NEDD9: variants seen among roughly 807,000 people sequenced by gnomAD.
The protein encoded by NEDD9 is enhancer of filamentation 1.
Under a neutral mutation model 76.6 loss-of-function variants are expected in NEDD9, and 26 were observed. That is an observed-to-expected ratio of 0.34 (90% CI 0.25 to 0.47). The LOEUF (loss-of-function observed/expected upper bound fraction) is 0.47. Among genes scored for constraint, NEDD9 ranks in the 20% least tolerant of loss-of-function variants. The pLI, the probability that NEDD9 is intolerant of heterozygous loss-of-function variation, is 1.00. For synonymous variants in NEDD9, 392 were observed against 414.2 expected (o/e 0.95, Z 0.65); for missense variants, 937 against 1,058.5 (o/e 0.89, Z 1.59).
chr6:11,200,267 C>G (rs766095973), intron 2 of NEDD9: 1 of 456,840 alleles, frequency 2.2e-6, no homozygotes, highest in South Asian at 1.6e-5. Flanking sequence ...GGAAGTAAAC[C>G]CACCCTTGCA....
chr6:11,306,007 G>A, exon 3 of NEDD9: 1 of 1,613,860 alleles, frequency 6.2e-7, no homozygotes, highest in Non-Finnish European at 8.5e-7. Flanking sequence ...TCCACATTTT[G>A]CCCCAAGGAA....
At chr6:11,331,630 A>G (rs1465178185) in intron 2 of NEDD9, among the ~76,000 whole-genome samples, 1 of 152,196 alleles carries the variant, frequency 6.6e-6, no homozygotes, top group Non-Finnish European at 1.5e-5. Flanking sequence ...TGAGATTAGC[A>G]TAGGAGGTGC....
At chr6:11,319,762 T>G (rs1761738919) in intron 2 of NEDD9, among the ~76,000 whole-genome samples, 1 of 136,066 alleles carries the variant, frequency 7.3e-6, no homozygotes, top group Non-Finnish European at 1.6e-5. Context: ...ACATGCACAC[T>G]AACATGCACA....
chr6:11,305,823 C>T, intron 3 of NEDD9: 1 of 770,248 alleles, frequency 1.3e-6, no homozygotes, highest in Non-Finnish European at 2.2e-6. Flanking sequence ...AAAAATTCAC[C>T]TAACAGCAAA....
In NEDD9 at chr6:11,207,733, G is replaced by A. The variant is rs956462964; in HGVS notation, c.459+5548C>T. On this transcript the variant is annotated intron_variant, in intron 2 of 6. Transcript: ENST00000379446. ...ACACATTCTGGGACCATAGGGAAGG[G>A]AGAAACTGCTGGGTTGCAGAGAGGA... 2.6e-5 allele frequency among the ~76,000 whole-genome samples: 4 copies of A among 152,226 alleles called. No individual in the cohort carries two copies. The East Asian group carries it at 7.7e-4, about 29-fold the overall frequency.
At chr6:11,208,699 A>G (rs1382486186) in intron 2 of NEDD9, among the ~76,000 whole-genome samples, 1 of 152,214 alleles carries the variant, frequency 6.6e-6, no homozygotes, top group East Asian at 1.9e-4. Flanking sequence ...AAGAGGTACA[A>G]CAAATAGTTC....
chr6:11,335,024 C>A (rs941870404), intron 1 of NEDD9, among the ~76,000 whole-genome samples: 1 of 152,194 alleles, frequency 6.6e-6, no homozygotes, highest in African/African-American at 2.4e-5. Flanking sequence ...GAGAAGTTGC[C>A]GAAGAACTTA....
At chr6:11,317,391 G>A (rs1344047646) in intron 2 of NEDD9, among the ~76,000 whole-genome samples, 1 of 151,548 alleles carries the variant, frequency 6.6e-6, no homozygotes, top group Non-Finnish European at 1.5e-5. Context: ...ACTCCAGCCT[G>A]GGCTATAGGG....
Position 11,185,441 on chromosome 6 carries a change from GA to G in NEDD9, c.2225del (p.Phe742SerfsTer22). On this transcript the variant is annotated frameshift_variant, in exon 7 of 7. Coordinates refer to ENST00000379446, the MANE Select transcript of NEDD9 (RefSeq NM_006403.4). LOFTEE classifies it high-confidence loss of function. Reference sequence around the variant, plus strand: ...GGATGACAAACTTGCTGTGTGCCACGAAGATTCGCGGGGGCTGGGCTGAGCT... The same window carrying G: ...GGATGACAAACTTGCTGTGTGCCACGAGATTCGCGGGGGCTGGGCTGAGCT... The part of the protein sequence containing the change: ...CVSSAQPPRI[F>X]VAHSKFVILS... 1 of 1,614,236 alleles carries G rather than the reference GA, an allele frequency of 6.2e-7. No individual in the cohort carries two copies. The highest frequency in any genetic ancestry group is 8.5e-7 in the Non-Finnish European group (1 of 1,180,028).
chr6:11,272,074 G>A (rs958104393), intron 3 of NEDD9, among the ~76,000 whole-genome samples: 6 of 152,152 alleles, frequency 3.9e-5, no homozygotes, highest in Admixed American at 3.9e-4. Context: ...AGGACAGCCC[G>A]GTGCAGAACT....
chr6:11,362,348 A>G (rs922198062), intron 1 of NEDD9, among the ~76,000 whole-genome samples: 1 of 152,180 alleles, frequency 6.6e-6, no homozygotes, highest in African/African-American at 2.4e-5. Context: ...TAGCAGTCCA[A>G]ACTTATGAGT....
intron 2 of NEDD9, among the ~76,000 whole-genome samples, chr6:11,201,330 C>T (rs922178337): frequency 2.6e-5 from 4 of 152,244 alleles, no homozygotes; most frequent in African/African-American, 9.7e-5. Context: ...CCCCTCCCCA[C>T]AGCAAGCCTC....
intron 2 of NEDD9, chr6:11,207,518 C>T (rs1258209140): frequency 2.0e-5 from 3 of 152,176 alleles, no homozygotes; most frequent in South Asian, 2.1e-4. Context: ...AACATTTGGC[C>T]GTGACCCATT....
chr6:11,334,526 T>G (rs1187814296), exon 2 of NEDD9: 1 of 152,230 alleles, frequency 6.6e-6, no homozygotes, highest in African/African-American at 2.4e-5. Context: ...TGCCTGTTAC[T>G]TTCTCTTCAG....
intron 1 of NEDD9, among the ~76,000 whole-genome samples, chr6:11,228,800 G>A (rs1027066230): frequency 7.2e-5 from 11 of 152,090 alleles, no homozygotes; most frequent in Non-Finnish European, 1.6e-4. Flanking sequence ...ATAAATAAAT[G>A]CATAAATACA....
chr6:11,282,199 T>C (rs1203237866), intron 3 of NEDD9, among the ~76,000 whole-genome samples: 1 of 152,234 alleles, frequency 6.6e-6, no homozygotes, highest in Admixed American at 6.5e-5. Flanking sequence ...TAATAAATAG[T>C]AGAGATTAAA....
At chr6:11,366,298 A>AAGGAAGGAAGGAAGGAAGGGAG (rs1439789755) in intron 1 of NEDD9, among the ~76,000 whole-genome samples, 1 of 94,870 alleles carries the variant, frequency 1.1e-5, no homozygotes, top group Non-Finnish European at 2.2e-5. Flanking sequence ...AAGGAAGGAA[A>AAGGAAGGAAGGAAGGAAGGGAG]GAAAGAAAGA....
At position 11,344,584 on chromosome 6, in the gene NEDD9, C is replaced by T. The variant is rs1027283570; in HGVS notation, c.-213-10023G>A. On this transcript the variant is annotated intron_variant, in intron 1 of 3. Coordinates refer to the NEDD9 transcript ENST00000397378. ...GCAGTGTGTGACCTCAATGCCACCT[C>T]CTTCGGGGCAAACTCCAGCCTATGG... Among the ~76,000 whole-genome samples the T allele has an allele frequency of 2.0e-5, 3 of 152,232 alleles. No individual in the cohort carries two copies. The South Asian group carries it at 6.2e-4, about 31-fold the overall frequency.
chr6:11,331,119 C>G (rs1762028185), intron 2 of NEDD9, among the ~76,000 whole-genome samples: 1 of 152,152 alleles, frequency 6.6e-6, no homozygotes. Flanking sequence ...CCTCAATGTT[C>G]TGCAGGGCTC....
Sources: gnomAD v4.1 joint callset for allele counts (sites outside exome capture counted in the v4.1 genomes callset) on GRCh38, gnomAD v4.1.1 for gene constraint, MANE v1.5 for transcripts, NCBI Gene and HGNC (gene_info 2026-07-23, HGNC 2026-07-21) for gene names.